Variants in TMPRSS15 observed in about 807,000 individuals in gnomAD.
TMPRSS15 encodes the protein transmembrane serine protease 15.
Under a neutral mutation model 125.3 loss-of-function variants are expected in TMPRSS15, and 128 were observed. That is an observed-to-expected ratio of 1.02 (90% CI 0.89 to 1.18). The LOEUF (loss-of-function observed/expected upper bound fraction) is 1.18, where lower values mean the gene tolerates loss of function less well. TMPRSS15 is among the 50% of genes most tolerant of loss of function. The pLI, the probability that TMPRSS15 is intolerant of heterozygous loss-of-function variation, is 0.00. For synonymous variants in TMPRSS15, 446 were observed against 423.2 expected (o/e 1.05, Z -0.66); for missense variants, 1,283 against 1,212.7 (o/e 1.06, Z -0.86).
chr21:18,305,329 C>T (rs1285978188), intron 18 of TMPRSS15, among the ~76,000 whole-genome samples: 3 of 151,764 alleles, frequency 2.0e-5, no homozygotes, highest in African/African-American at 7.3e-5. Context: ...GCTGGGACTA[C>T]AGGCGCCCGC....
chr21:18,438,400 A>C (rs1263370371), intron 1 of TMPRSS15, among the ~76,000 whole-genome samples: 1 of 151,838 alleles, frequency 6.6e-6, no homozygotes, highest in Non-Finnish European at 1.5e-5. Flanking sequence ...TGGGTGCAGC[A>C]CACCAGCATG....
intron 13 of TMPRSS15, among the ~76,000 whole-genome samples, chr21:18,333,263 GA>G (rs1002616463): frequency 2.0e-5 from 3 of 149,766 alleles, no homozygotes; most frequent in Non-Finnish European, 3.0e-5. Flanking sequence ...AAGAAAATTG[GA>G]AAAAAAAATA....
chr21:18,349,654 T>C (rs2075544013), intron 10 of TMPRSS15, among the ~76,000 whole-genome samples: 1 of 152,206 alleles, frequency 6.6e-6, no homozygotes, highest in Non-Finnish European at 1.5e-5. Context: ...TGGTTGATTA[T>C]GAAATCACAG....
At chr21:18,471,497 A>G (rs907833897) in intron 1 of TMPRSS15, among the ~76,000 whole-genome samples, 8 of 151,742 alleles carry the variant, frequency 5.3e-5, no homozygotes, top group Non-Finnish European at 1.0e-4. Context: ...ACAGCATAAT[A>G]TGGTGTTTTT....
chr21:18,403,597 G>C lies in TMPRSS15; in HGVS notation c.26C>G (p.Ser9Cys), dbSNP rs1376930126. MGSKRGISSRHHSLSSYEI... is the reference protein window; with the variant it reads MGSKRGISCRHHSLSSYEI... ...ATAGGAGCTGAGAGAATGATGCCTA[G>C]AAGATATGCCTCTTTTCGACCCCAT... The change falls in exon 1 of 25, where the codon TCT becomes TGT. Residue 9 changes from serine (S) to cysteine (C), a missense_variant. Coordinates refer to ENST00000284885, the MANE Select transcript of TMPRSS15 (RefSeq NM_002772.3). The C allele has an allele frequency of 2.5e-6, 4 of 1,614,146 alleles. No homozygotes were observed. In the African/African-American group the frequency reaches 5.3e-5, roughly 22 times the overall value.
chr21:18,446,229 C>T (rs13049000), intron 1 of TMPRSS15, among the ~76,000 whole-genome samples: 46,771 of 151,874 alleles, frequency 0.31, 9,209 homozygotes, highest in Middle Eastern at 0.48. Flanking sequence ...ATATAAAATA[C>T]CTAGGAATCA....
chr21:18,476,133 G>GA (rs1304080468), intron 1 of TMPRSS15, among the ~76,000 whole-genome samples: 3 of 151,960 alleles, frequency 2.0e-5, no homozygotes, highest in East Asian at 1.9e-4. Context: ...AATCATATAT[G>GA]AAAAAAATTA....
At chr21:18,387,669 C>T (rs1316891479) in intron 3 of TMPRSS15, among the ~76,000 whole-genome samples, 1 of 150,526 alleles carries the variant, frequency 6.6e-6, no homozygotes, top group African/African-American at 2.5e-5. Flanking sequence ...ACCCCAAAAT[C>T]ATACAAGTTA....
chr21:18,308,274 A>G (rs576100583), intron 18 of TMPRSS15, among the ~76,000 whole-genome samples: 3 of 152,178 alleles, frequency 2.0e-5, no homozygotes, highest in Non-Finnish European at 4.4e-5. Context: ...ATCAACAAAA[A>G]TTGTTTCTCC....
At chr21:18,326,329 A>G (rs1170462850) in intron 16 of TMPRSS15, 103 bp downstream of exon 16, 3 of 1,438,984 alleles carry the variant, frequency 2.1e-6, no homozygotes, top group Non-Finnish European at 2.9e-6. Context: ...TAAGTGTCAC[A>G]GAAGGAAAGC....
At chr21:18,413,869 A>G (rs2076173621) in intron 1 of TMPRSS15, among the ~76,000 whole-genome samples, 1 of 152,170 alleles carries the variant, frequency 6.6e-6, no homozygotes, top group South Asian at 2.1e-4. Flanking sequence ...TTGGGACCAC[A>G]GGCGCATGCC....
At position 18,393,765 on chromosome 21, in the gene TMPRSS15, G is replaced by A. The variant is rs183121671; in HGVS notation, c.344+4114C>T. Among the ~76,000 whole-genome samples, 357 of 152,154 alleles carry A rather than the reference G, an allele frequency of 2.3e-3. 1 individual carries two copies. Among genetic ancestry groups the A allele is most frequent in the Middle Eastern group, 0.01 (3 of 294 alleles). ...CATGCCTAATTTATTATTAATGTCT[G>A]TTATAAATTAGTCACTTAACCCAAA... On this transcript the variant is annotated intron_variant, in intron 3 of 24. Transcript: ENST00000284885.
chr21:18,441,457 T>C (rs1357282550), intron 1 of TMPRSS15, among the ~76,000 whole-genome samples: 1 of 149,348 alleles, frequency 6.7e-6, no homozygotes, highest in Non-Finnish European at 1.5e-5. Flanking sequence ...ATACAGAAAA[T>C]TCGCTGGGTG....
At chr21:18,407,516 G>C (rs567201008), upstream of TMPRSS15, among the ~76,000 whole-genome samples, 1 of 140,134 alleles carries the variant, frequency 7.1e-6, no homozygotes, top group Admixed American at 7.4e-5. Flanking sequence ...ACATGATCTT[G>C]GTTTACTACT....
intron 1 of TMPRSS15, among the ~76,000 whole-genome samples, chr21:18,449,858 A>AACACAC (rs760464791): frequency 1.2e-5 from 1 of 81,420 alleles, no homozygotes; most frequent in African/African-American, 4.1e-5. Context: ...CTTTCCCTCA[A>AACACAC]ACACACACAC....
intron 3 of TMPRSS15, among the ~76,000 whole-genome samples, chr21:18,392,164 A>ACATTTGACTCCT (rs1319627524): frequency 6.6e-6 from 1 of 152,204 alleles, no homozygotes; most frequent in Admixed American, 6.5e-5. Flanking sequence ...TTGGCGAATA[A>ACATTTGACTCCT]CATTTGACTC....
At chr21:18,475,274 C>G (rs934890973) in intron 1 of TMPRSS15, among the ~76,000 whole-genome samples, 1 of 152,028 alleles carries the variant, frequency 6.6e-6, no homozygotes, top group Non-Finnish European at 1.5e-5. Flanking sequence ...TAAAAAAAGT[C>G]TATCATTAGA....
chr21:18,352,425 T>C (rs1348304158), intron 10 of TMPRSS15, among the ~76,000 whole-genome samples: 1 of 152,100 alleles, frequency 6.6e-6, no homozygotes, highest in East Asian at 1.9e-4. Flanking sequence ...TTGAAAATGC[T>C]AAGGAATTCT....
At chr21:18,431,826 G>A (rs2076216982) in intron 1 of TMPRSS15, among the ~76,000 whole-genome samples, 1 of 151,976 alleles carries the variant, frequency 6.6e-6, no homozygotes, top group Admixed American at 6.6e-5. Flanking sequence ...TTCTCTTTCT[G>A]AAATGAAAAT....
Sources: gnomAD v4.1 joint callset for allele counts (sites outside exome capture counted in the v4.1 genomes callset) on GRCh38, gnomAD v4.1.1 for gene constraint, MANE v1.5 for transcripts, NCBI Gene and HGNC (gene_info 2026-07-23, HGNC 2026-07-21) for gene names.